The following CA12 variants were observed in gnomAD, a reference collection of about 807,000 sequenced individuals.
The protein encoded by CA12 is carbonate dehydratase XII.
A neutral mutation model predicts 46.8 loss-of-function variants in CA12; 36 were observed. The observed-to-expected ratio is 0.77, with a 90% confidence interval of 0.59 to 1.02. The LOEUF (loss-of-function observed/expected upper bound fraction) is 1.02. Ranked by LOEUF, CA12 falls within the 50% of genes least tolerant of loss-of-function variation. The pLI, the probability that CA12 is intolerant of heterozygous loss-of-function variation, is 0.00. For missense variants in CA12, 436 were observed against 451.4 expected, an observed-to-expected ratio of 0.97 and a Z score of 0.31; for synonymous variants, 202 against 187.0, an observed-to-expected ratio of 1.08 and a Z score of -0.65.
chr15:63,337,745 T>C (rs1056849669), intron 8 of CA12, among the ~76,000 whole-genome samples: 1 of 152,044 alleles, frequency 6.6e-6, no homozygotes, highest in African/African-American at 2.4e-5. Flanking sequence ...CCCGGCTAAT[T>C]TTTGTATTTT....
intron 1 of CA12, among the ~76,000 whole-genome samples, chr15:63,381,104 A>G (rs962398368): frequency 1.3e-5 from 2 of 152,120 alleles, no homozygotes; most frequent in Non-Finnish European, 1.5e-5. Flanking sequence ...TCAGCATAGT[A>G]GAGCCCTCCT....
At chr15:63,363,093 C>T (rs527445507) in intron 2 of CA12, among the ~76,000 whole-genome samples, 3 of 152,336 alleles carry the variant, frequency 2.0e-5, no homozygotes, top group South Asian at 2.1e-4. Context: ...TAGACTCTTA[C>T]GCACGCTGGG....
At chr15:63,361,890 T>A (rs2039368384) in intron 2 of CA12, among the ~76,000 whole-genome samples, 1 of 152,216 alleles carries the variant, frequency 6.6e-6, no homozygotes. Context: ...TGTCTAAGCA[T>A]TCATCATAGG....
intron 2 of CA12, among the ~76,000 whole-genome samples, chr15:63,371,416 G>A (rs2152626552): frequency 6.6e-6 from 1 of 152,290 alleles, no homozygotes; most frequent in South Asian, 2.1e-4. Context: ...ACGAGGGCTG[G>A]CCTGCCGCAA....
At position 63,338,803 on chromosome 15, in the gene CA12, C is replaced by A. The variant is rs771543933; in HGVS notation, c.874+16G>T. Reference sequence around the variant, plus strand: ...ACACTCCCGCACCCCCTCCCCCCAGCACTGCCTCTCCTCACCTTGGGAGAA... The same window carrying A: ...ACACTCCCGCACCCCCTCCCCCCAGAACTGCCTCTCCTCACCTTGGGAGAA... On this transcript the variant is annotated intron_variant, in intron 8 of 10. Coordinates refer to ENST00000178638, the MANE Select transcript of CA12 (RefSeq NM_001218.5). 3 of 1,613,876 alleles carry A rather than the reference C, an allele frequency of 1.9e-6. No homozygotes were observed. In the South Asian group the frequency reaches 3.3e-5, roughly 18 times the overall value.
intron 2 of CA12, among the ~76,000 whole-genome samples, chr15:63,351,456 C>T (rs1595784144): frequency 6.6e-6 from 1 of 152,154 alleles, no homozygotes; most frequent in Admixed American, 6.5e-5. Flanking sequence ...CCTGCCCCAC[C>T]CCAACAAGAC....
At position 63,340,572 on chromosome 15, in the gene CA12, T is replaced by A. The variant is rs1015493658; in HGVS notation, c.590-127A>T. ...TTCAGGGTCATCTAACCCCAGGACCTGGTTGCAACATTGTTCAACAACCTG... is the reference window on the plus strand; with the variant it reads ...TTCAGGGTCATCTAACCCCAGGACCAGGTTGCAACATTGTTCAACAACCTG... On this transcript the variant is annotated intron_variant, in intron 6 of 10. Coordinates refer to ENST00000178638, the MANE Select transcript of CA12 (RefSeq NM_001218.5). The surrounding 1 kb of genome is among the most constrained non-coding windows in gnomAD (Gnocchi z 4.4). The A allele has an allele frequency of 7.0e-7, 1 of 1,422,962 alleles. No individual in the cohort carries two copies. The highest frequency in any genetic ancestry group is 2.3e-5 in the East Asian group (1 of 43,910). 88.1% of individuals were successfully genotyped at this position (1,422,962 alleles called of 1,614,324 possible). A position where few individuals can be genotyped will look rare whatever the true frequency, so the allele number is the denominator to read the frequency against.
chr15:63,352,558 A>C (rs1387099167), intron 2 of CA12, among the ~76,000 whole-genome samples: 1 of 151,842 alleles, frequency 6.6e-6, no homozygotes, highest in Admixed American at 6.6e-5. Context: ...TCTGAGGTGG[A>C]CCCCCCTGTG....
chr15:63,327,136 C>T lies in CA12; in HGVS notation c.992+13G>A. The T allele has an allele frequency of 6.2e-7, 1 of 1,612,578 alleles. No individual in the cohort carries two copies. Among genetic ancestry groups the T allele is most frequent in the Non-Finnish European group, 8.5e-7 (1 of 1,178,714 alleles). ...TAGCTGTCCATTCCCATTTTGGACC[C>T]AAACCAGCTCACCTCTTCCTTCTGA... On this transcript the variant is annotated intron_variant, in intron 10 of 10. Transcript: ENST00000178638. This position sits in a 1 kb window ranked among gnomAD's most constrained non-coding sequence, Gnocchi z 4.5.
rs763354873 is a variant in CA12, at chr15:63,338,824, G to C, written c.869C>G (p.Ser290Cys). 6.2e-7 allele frequency: 1 copy of C among 1,614,106 alleles called. No individual in the cohort carries two copies. The highest frequency in any genetic ancestry group is 8.5e-7 in the Non-Finnish European group (1 of 1,180,022). Residue 290 changes from serine to cysteine, a missense_variant, in exon 8 of 11, where the codon TCC becomes TGC. Coordinates refer to ENST00000178638, the MANE Select transcript of CA12 (RefSeq NM_001218.5). ...CCAGCACTGCCTCTCCTCACCTTGGGAGAAGGAGGTGTATACCAGCCTCTC... is the reference window on the plus strand; with the variant it reads ...CCAGCACTGCCTCTCCTCACCTTGGCAGAAGGAGGTGTATACCAGCCTCTC... ...FDERLVYTSF[S>C]QVQVCTAAGL...
intron 8 of CA12, among the ~76,000 whole-genome samples, chr15:63,335,910 A>G (rs1595777017): frequency 6.6e-6 from 1 of 152,132 alleles, no homozygotes; most frequent in Non-Finnish European, 1.5e-5. Flanking sequence ...TTGGGCCTTC[A>G]CCCCTTTGGG....
In CA12 at chr15:63,339,025, C is replaced by G; in HGVS notation, c.748-80G>C. The stretch of plus-strand genomic sequence containing the variant: ...CCTGGGAAGAGGCTAGCTCTCCGCT[C>G]TTGCACCTGGGAGAAGCCTCTGGAA... On this transcript the variant is annotated intron_variant, in intron 7 of 10. Transcript: ENST00000178638. This position sits in a 1 kb window ranked among gnomAD's most constrained non-coding sequence, Gnocchi z 4.3. 2.5e-6 allele frequency: 4 copies of G among 1,569,222 alleles called. No homozygotes were observed. Among genetic ancestry groups the G allele is most frequent in the South Asian group, 1.1e-5 (1 of 87,896 alleles).
chr15:63,378,244 C>G lies in CA12; in HGVS notation c.86-2566G>C, dbSNP rs529731317. On this transcript the variant is annotated intron_variant, in intron 1 of 10. Transcript: ENST00000178638. The surrounding 1 kb of genome is among the most constrained non-coding windows in gnomAD (Gnocchi z 4.8). ...CTCTACTAAAAATACAAAAATTAGG[C>G]AGGCGTGGTGGCGGGTGCCTGTAAT... Among the ~76,000 whole-genome samples the G allele has an allele frequency of 6.4e-4, 97 of 152,124 alleles. 4 individuals carry two copies. Among genetic ancestry groups the G allele is most frequent in the Admixed American group, 3.3e-4 (5 of 15,270 alleles).
chr15:63,374,766 C>T lies in CA12; in HGVS notation c.106+892G>A, dbSNP rs913069819. Among the ~76,000 whole-genome samples, 2 of 152,154 alleles carry T rather than the reference C, an allele frequency of 1.3e-5. No individual in the cohort carries two copies. The highest frequency in any genetic ancestry group is 2.4e-5 in the African/African-American group (1 of 41,426). ...TAGTAATCAACTTCCCGCCTGTCCCCGCCCACAGCCATTGCATCCTGTGGC... is the reference window on the plus strand; with the variant it reads ...TAGTAATCAACTTCCCGCCTGTCCCTGCCCACAGCCATTGCATCCTGTGGC... On this transcript the variant is annotated intron_variant, in intron 2 of 10. Coordinates refer to ENST00000178638, the MANE Select transcript of CA12 (RefSeq NM_001218.5). This position sits in a 1 kb window ranked among gnomAD's most constrained non-coding sequence, Gnocchi z 4.4.
chr15:63,347,763 T>A (rs147037192), intron 2 of CA12, among the ~76,000 whole-genome samples: 55 of 152,318 alleles, frequency 3.6e-4, no homozygotes, highest in African/African-American at 1.3e-3. Flanking sequence ...AATTGGCATG[T>A]CATGGCTCGT....
At chr15:63,376,542 C>T (rs1391314552) in intron 1 of CA12, among the ~76,000 whole-genome samples, 2 of 88,102 alleles carry the variant, frequency 2.3e-5, no homozygotes, top group Non-Finnish European at 2.6e-5. Context: ...CTCTCCCCTC[C>T]CACTCTCTTT....
rs546699508 is a variant in CA12, at chr15:63,355,290, G to A, written c.107-8581C>T. On this transcript the variant is annotated intron_variant, in intron 2 of 10. Coordinates refer to ENST00000178638, the MANE Select transcript of CA12 (RefSeq NM_001218.5). The surrounding 1 kb of genome is among the most constrained non-coding windows in gnomAD (Gnocchi z 4.1). ...GGCAAAGGGTTTCCCCCTCTTCTGTGCTCCTATACAGCCTTTGCATTTCTC... is the reference window on the plus strand; with the variant it reads ...GGCAAAGGGTTTCCCCCTCTTCTGTACTCCTATACAGCCTTTGCATTTCTC... Among the ~76,000 whole-genome samples the A allele has an allele frequency of 6.6e-6, 1 of 152,264 alleles. No individual in the cohort carries two copies. The highest frequency in any genetic ancestry group is 6.5e-5 in the Admixed American group (1 of 15,296).
chr15:63,325,205 A>C lies in CA12; in HGVS notation c.*1080T>G, dbSNP rs1352041950. 2.6e-5 allele frequency: 4 copies of C among 152,220 alleles called. No homozygotes were observed. The highest frequency in any genetic ancestry group is 9.6e-5 in the African/African-American group (4 of 41,454). 9.4% of individuals were successfully genotyped at this position (152,220 alleles called of 1,614,324 possible). On this transcript the variant is annotated 3_prime_UTR_variant, in exon 11 of 11. Transcript: ENST00000178638. The surrounding 1 kb of genome is among the most constrained non-coding windows in gnomAD (Gnocchi z 4.9). The stretch of plus-strand genomic sequence containing the variant: ...CTTCAGAGAGAGAGAAGTAGATAAA[A>C]GTCTCCATTCCAGGTTGGCAGTAGG...
Position 63,329,709 on chromosome 15 carries a change from G to C in CA12, c.875-1579C>G, listed in dbSNP as rs2038911012. On this transcript the variant is annotated intron_variant, in intron 8 of 10. Coordinates refer to ENST00000178638, the MANE Select transcript of CA12 (RefSeq NM_001218.5). The surrounding 1 kb of genome is among the most constrained non-coding windows in gnomAD (Gnocchi z 4.8). Reference sequence around the variant, plus strand: ...CCATAGAACCCACAGTGGTGGCTGAGGCCCTGGGAGAGCCCTGGTCAAGTG... The same window carrying C: ...CCATAGAACCCACAGTGGTGGCTGACGCCCTGGGAGAGCCCTGGTCAAGTG... 6.6e-6 allele frequency among the ~76,000 whole-genome samples: 1 copy of C among 152,162 alleles called. No individual in the cohort carries two copies. The highest frequency in any genetic ancestry group is 1.5e-5 in the Non-Finnish European group (1 of 68,042).
Sources: allele counts gnomAD v4.1 joint callset (sites outside exome capture counted in the v4.1 genomes callset), GRCh38; gene constraint gnomAD v4.1.1; non-coding constraint Gnocchi (gnomAD v3.1); transcripts MANE v1.5; gene names NCBI Gene and HGNC (gene_info 2026-07-23, HGNC 2026-07-21).